DNAH5: variants seen among roughly 807,000 people sequenced by gnomAD.
DNAH5 encodes the protein dynein axonemal heavy chain 5, also known as axonemal beta dynein heavy chain 5.
DNAH5 carries 372 observed loss-of-function variants against 518.2 expected under a neutral mutation model. The observed-to-expected ratio is 0.72, with a 90% CI of 0.66 to 0.78. DNAH5 has a LOEUF of 0.78. Among genes scored for constraint, DNAH5 ranks in the 30% least tolerant of loss-of-function variants. The probability of loss-of-function intolerance (pLI) is 0.00; values close to 1 mark genes in which losing one functional copy is unlikely to be tolerated. For synonymous variants in DNAH5, 2,039 were observed against 2,025.9 expected (o/e 1.01, Z -0.17); for missense variants, 5,523 against 5,687.0 (o/e 0.97, Z 0.93).
rs6880264 is a variant in DNAH5, at chr5:13,840,957, G to A, written c.5658C>T (p.Tyr1886=). The change falls in exon 34 of 79, where the codon TAC becomes TAT. Residue 1886 remains tyrosine (Y), a synonymous_variant. Coordinates refer to ENST00000265104, the MANE Select transcript of DNAH5 (RefSeq NM_001369.3). ...RDLSSTERVK[Y]ETLITIHVHQ... is the part of the protein sequence containing the mutation. ...GCACATGAATAGTAATCAGAGTCTC[G>A]TATTTCACTCGTTCCGTGGAACTCA... The A allele has an allele frequency of 2.4e-3, 3,853 of 1,614,038 alleles. 72 individuals are homozygous for A. In the African/African-American group the frequency reaches 0.042, roughly 18 times the overall value.
At chr5:13,876,635 G>C (rs562705005) in intron 22 of DNAH5, 49 bp downstream of exon 22, 3 of 1,603,632 alleles carry the variant, frequency 1.9e-6, no homozygotes, top group African/African-American at 1.3e-5. Context: ...TTTCACACAA[G>C]TGCATGTTGC....
intron 12 of DNAH5, among the ~76,000 whole-genome samples, chr5:13,909,369 CCT>C (rs1016418570): frequency 9.9e-5 from 15 of 150,880 alleles, no homozygotes; most frequent in Non-Finnish European, 1.5e-5. Flanking sequence ...GAATGTGGCC[CCT>C]CTCTCTCTCA....
intron 52 of DNAH5, among the ~76,000 whole-genome samples, chr5:13,785,969 T>C (rs1030689914): frequency 5.9e-5 from 9 of 152,186 alleles, no homozygotes; most frequent in African/African-American, 2.2e-4. Context: ...AATTATCACA[T>C]CACACATTTA....
At chr5:13,976,981 A>G (rs557514640) in intron 1 of DNAH5, among the ~76,000 whole-genome samples, 1 of 152,274 alleles carries the variant, frequency 6.6e-6, no homozygotes, top group African/African-American at 2.4e-5. Context: ...ATTCAAATTT[A>G]TTTTGTCTCA....
rs576371568 is a variant in DNAH5, at chr5:13,690,396, G to T, written c.*1588C>A. 2 of 152,238 alleles carry T rather than the reference G, an allele frequency of 1.3e-5. No individual in the cohort carries two copies. The highest frequency in any genetic ancestry group is 3.9e-4 in the East Asian group (2 of 5,182). 9.4% of individuals were successfully genotyped at this position (152,238 alleles called of 1,614,324 possible). On this transcript the variant is annotated 3_prime_UTR_variant, in exon 79 of 79. Transcript: ENST00000265104. ...CATTACTTGCTTTTCAAAATGAAAT[G>T]ATTGTTTCACCACAATTCACACAAA...
intron 1 of DNAH5, among the ~76,000 whole-genome samples, chr5:13,982,349 C>CGCATTATTGCATGAGTGAGTAGACATAT (rs1782733346): frequency 6.6e-6 from 1 of 151,494 alleles, no homozygotes; most frequent in Non-Finnish European, 1.5e-5. Flanking sequence ...CGTAGACATA[C>CGCATTATTGCATGAGTGAGTAGACATAT]GCATTATTGC....
At chr5:13,837,904 G>A (rs896329193) in intron 35 of DNAH5, among the ~76,000 whole-genome samples, 11 of 151,988 alleles carry the variant, frequency 7.2e-5, no homozygotes, top group African/African-American at 2.7e-4. Flanking sequence ...GTTTCACCGT[G>A]TTAGCCTGGA....
At position 13,719,039 on chromosome 5, in the gene DNAH5, G is replaced by A. The variant is rs980881291; in HGVS notation, c.12342C>T (p.Asp4114=). ...GTACAAGCTCAGTTTCTATGATTATGTCCATCAGCTCATCCATGAAATCAA... is the reference window on the plus strand; with the variant it reads ...GTACAAGCTCAGTTTCTATGATTATATCCATCAGCTCATCCATGAAATCAA... ...LGLDFMDELM[D]IIIETELVHD... is the part of the protein sequence containing the mutation. Residue 4114 remains aspartate, a synonymous_variant, in exon 72 of 79, where the codon GAC becomes GAT. Coordinates refer to ENST00000265104, the MANE Select transcript of DNAH5 (RefSeq NM_001369.3). The A allele has an allele frequency of 1.9e-6, 3 of 1,614,112 alleles. No homozygotes were observed. Among genetic ancestry groups the A allele is most frequent in the Non-Finnish European group, 2.5e-6 (3 of 1,179,998 alleles).
intron 3 of DNAH5, among the ~76,000 whole-genome samples, chr5:13,925,461 G>C (rs142725598): frequency 1.6e-4 from 25 of 152,204 alleles, no homozygotes; most frequent in African/African-American, 6.0e-4. Flanking sequence ...CCTGAGACTG[G>C]GCAACTTACA....
intron 7 of DNAH5, among the ~76,000 whole-genome samples, chr5:13,918,254 G>A (rs1280419769): frequency 1.3e-5 from 2 of 152,138 alleles, no homozygotes; most frequent in African/African-American, 2.4e-5. Flanking sequence ...ATGTGGGAAG[G>A]AACTGAAGGA....
At position 13,925,866 on chromosome 5, in the gene DNAH5, G is replaced by A. The variant is rs549157056; in HGVS notation, c.277+2228C>T. ...CAAGAATGAGACTGCAACTGTCCCAGCTTGCCCAGGACAGGGGGGTTTGCT... is the reference window on the plus strand; with the variant it reads ...CAAGAATGAGACTGCAACTGTCCCAACTTGCCCAGGACAGGGGGGTTTGCT... On this transcript the variant is annotated intron_variant, in intron 3 of 78. Coordinates refer to ENST00000265104, the MANE Select transcript of DNAH5 (RefSeq NM_001369.3). Among the ~76,000 whole-genome samples, 5 of 152,320 alleles carry A rather than the reference G, an allele frequency of 3.3e-5. No individual in the cohort carries two copies. In the East Asian group the frequency reaches 7.7e-4, roughly 23 times the overall value.
chr5:14,010,693 G>T (rs113009577), intron 1 of DNAH5, among the ~76,000 whole-genome samples: 2,945 of 152,156 alleles, frequency 0.019, 88 homozygotes, highest in African/African-American at 0.068. Flanking sequence ...ATTAATATGT[G>T]TCTACCATAA....
chr5:13,961,250 CTG>C (rs1198326644), intron 1 of DNAH5, among the ~76,000 whole-genome samples: 1 of 152,068 alleles, frequency 6.6e-6, no homozygotes, highest in Non-Finnish European at 1.5e-5. Flanking sequence ...GATGAGGAAA[CTG>C]AGAGTGAGAA....
chr5:13,708,616 A>G (rs185970210), intron 75 of DNAH5, among the ~76,000 whole-genome samples: 15 of 152,318 alleles, frequency 9.8e-5, no homozygotes, highest in South Asian at 6.2e-4. Flanking sequence ...CAGTCTTCCA[A>G]ACAGCAAATG....
At chr5:13,889,962 T>C (rs926298839) in intron 17 of DNAH5, among the ~76,000 whole-genome samples, 1 of 152,158 alleles carries the variant, frequency 6.6e-6, no homozygotes, top group Non-Finnish European at 1.5e-5. Flanking sequence ...GTCCTTATCC[T>C]CAAGATGCCC....
chr5:13,696,427 G>A (rs1402985069), intron 78 of DNAH5, among the ~76,000 whole-genome samples: 2 of 152,078 alleles, frequency 1.3e-5, no homozygotes, highest in Non-Finnish European at 2.9e-5. Context: ...TTTCTAGCAA[G>A]AAACATGATT....
In DNAH5 at chr5:13,691,381, A is replaced by G. The variant is rs1740676901; in HGVS notation, c.*603T>C. ...TTTATTATAAGAATTATCAATTAGT[A>G]TTTCATTATTAATTATAAGTAGGCT... On this transcript the variant is annotated 3_prime_UTR_variant, in exon 79 of 79. Coordinates refer to ENST00000265104, the MANE Select transcript of DNAH5 (RefSeq NM_001369.3). 6.6e-6 allele frequency: 1 copy of G among 152,196 alleles called. No homozygotes were observed. The highest frequency in any genetic ancestry group is 2.4e-5 in the African/African-American group (1 of 41,446). 9.4% of individuals were successfully genotyped at this position (152,196 alleles called of 1,614,324 possible). A position where few individuals can be genotyped will look rare whatever the true frequency, so the allele number is the denominator to read the frequency against.
At chr5:13,960,310 A>G (rs1781093053) in intron 1 of DNAH5, among the ~76,000 whole-genome samples, 1 of 152,212 alleles carries the variant, frequency 6.6e-6, no homozygotes, top group South Asian at 2.1e-4. Flanking sequence ...GTGAACCCCA[A>G]CACTGGAGGG....
chr5:13,788,061 T>A (rs1756345245), intron 51 of DNAH5, among the ~76,000 whole-genome samples: 1 of 152,222 alleles, frequency 6.6e-6, no homozygotes, highest in Admixed American at 6.5e-5. Flanking sequence ...GAGCACTGCC[T>A]CTTTTCATAA....
Sources: gnomAD v4.1 joint callset for allele counts (sites outside exome capture counted in the v4.1 genomes callset) on GRCh38, gnomAD v4.1.1 for gene constraint, MANE v1.5 for transcripts, NCBI Gene and HGNC (gene_info 2026-07-23, HGNC 2026-07-21) for gene names.